The following PARP1 variants were observed in gnomAD, a reference collection of about 807,000 sequenced individuals.
The protein encoded by PARP1 is poly [ADP-ribose] polymerase 1.
A neutral mutation model predicts 118.7 loss-of-function variants in PARP1; 44 were observed. The observed-to-expected ratio is 0.37, with a 90% CI of 0.29 to 0.48. PARP1 has a LOEUF of 0.48. Among genes scored for constraint, PARP1 ranks in the 20% least tolerant of loss-of-function variants. PARP1 has a pLI of 0.99. For missense variants in PARP1, 1,100 were observed against 1,272.4 expected, an observed-to-expected ratio of 0.86 and a Z score of 2.06; for synonymous variants, 492 against 483.2, an observed-to-expected ratio of 1.02 and a Z score of -0.24.
chr1:226,397,492 C>T (rs777312876), intron 2 of PARP1, among the ~76,000 whole-genome samples: 4 of 152,204 alleles, frequency 2.6e-5, no homozygotes, highest in Non-Finnish European at 5.9e-5. Flanking sequence ...TGGTTTGGAT[C>T]TGTGTCCCCA....
chr1:226,381,037 T>G (rs772506412), intron 9 of PARP1, 31 bp downstream of exon 9: 2 of 1,612,952 alleles, frequency 1.2e-6, no homozygotes, highest in Non-Finnish European at 1.7e-6. Flanking sequence ...AGAAGCATTG[T>G]CCCTGTTGCA....
At chr1:226,366,894 G>C (rs1432233326) in intron 17 of PARP1, 5 of 177,116 alleles carry the variant, frequency 2.8e-5, no homozygotes, top group Non-Finnish European at 6.1e-5. Flanking sequence ...AGGACAATGG[G>C]GCACATGAGT....
At chr1:226,365,596 A>G (rs559821273) in intron 18 of PARP1, among the ~76,000 whole-genome samples, 1 of 152,074 alleles carries the variant, frequency 6.6e-6, no homozygotes, top group African/African-American at 2.4e-5. Flanking sequence ...GTGAATCCCT[A>G]TCTCTACTAA....
rs1011900208 is a variant in PARP1 at position 226,408,036 on chromosome 1, G to C, written c.-107C>G. 1.3e-6 allele frequency: 2 copies of C among 1,520,928 alleles called. No individual in the cohort carries two copies. The highest frequency in any genetic ancestry group is 1.8e-6 in the Non-Finnish European group (2 of 1,115,100). The allele number at this position is 1,520,928 out of a possible 1,614,324, so 94.2% of individuals were successfully genotyped here. On this transcript the variant is annotated 5_prime_UTR_variant, in exon 1 of 23. Transcript: ENST00000366794. Reference sequence around the variant, plus strand: ...CTCACCCAGCCGCAGGCGCCTGAGCGGCCAGAGCCGCCACCGAACACGCCG... The same window carrying C: ...CTCACCCAGCCGCAGGCGCCTGAGCCGCCAGAGCCGCCACCGAACACGCCG...
At chr1:226,367,646 T>C (rs369108590) in intron 16 of PARP1, 38 bp from the exon 17 acceptor site, 10 of 1,612,702 alleles carry the variant, frequency 6.2e-6, no homozygotes, top group Non-Finnish European at 8.5e-6. Context: ...TTAGGTATCA[T>C]GGTGAATGAG....
At position 226,377,188 on chromosome 1, in the gene PARP1, TTTC is replaced by T. The variant is rs1329452007; in HGVS notation, c.1858_1860del (p.Glu620del). Reference sequence around the variant, plus strand: ...TTGGAGTGCCAAGCGTTCCCGGTTTTTTCTTCATATAATTTCATGAAGTGCTCA... The same window carrying T: ...TTGGAGTGCCAAGCGTTCCCGGTTTTTTCATATAATTTCATGAAGTGCTCA... On this transcript the variant is annotated inframe_deletion, in exon 13 of 23. Coordinates refer to ENST00000366794, the MANE Select transcript of PARP1 (RefSeq NM_001618.4). The T allele has an allele frequency of 6.2e-7, 1 of 1,614,194 alleles. No homozygotes were observed. The highest frequency in any genetic ancestry group is 8.5e-7 in the Non-Finnish European group (1 of 1,180,024).
chr1:226,368,732 T>C (rs914679760), intron 15 of PARP1, among the ~76,000 whole-genome samples: 1 of 152,044 alleles, frequency 6.6e-6, no homozygotes, highest in African/African-American at 2.4e-5. Flanking sequence ...TGCCCATCGC[T>C]ATAAAATTCA....
chr1:226,370,548 C>G (rs375447539), intron 14 of PARP1, 31 bp from the exon 15 acceptor site: 2 of 1,561,384 alleles, frequency 1.3e-6, no homozygotes, highest in African/African-American at 2.7e-5. Context: ...GCTCTGAAAG[C>G]TGGGCACTGT....
At position 226,380,107 on chromosome 1, in the gene PARP1, A is replaced by G; in HGVS notation, c.1358T>C (p.Val453Ala). Residue 453 changes from valine to alanine, a missense_variant, in exon 10 of 23, where the codon GTT (valine) becomes GCT (alanine). By Grantham distance (64) the Val-to-Ala change is moderately conservative. This residue lies in a region of PARP1 where 948 missense variants were observed against 1,031.8 expected (regional missense o/e 0.92). Transcript: ENST00000366794. ...GTCCTGGAGGAAGTCCTCAGACACA[A>G]CTCGGATGTTGGCTTCCTTTACTTC... ...MEEVKEANIR[V>A]VSEDFLQDVS... The G allele has an allele frequency of 6.2e-7, 1 of 1,613,666 alleles. No individual in the cohort carries two copies. Among genetic ancestry groups the G allele is most frequent in the Non-Finnish European group, 8.5e-7 (1 of 1,179,860 alleles).
chr1:226,363,622 C>G (rs554918196), intron 20 of PARP1, among the ~76,000 whole-genome samples: 3 of 152,174 alleles, frequency 2.0e-5, no homozygotes, highest in Admixed American at 2.0e-4. Context: ...AACTGAAACA[C>G]TGGTGAGTGG....
At chr1:226,382,355 C>A (rs1473528077) in intron 8 of PARP1, among the ~76,000 whole-genome samples, 1 of 152,156 alleles carries the variant, frequency 6.6e-6, no homozygotes, top group East Asian at 1.9e-4. Flanking sequence ...CACACCAGGG[C>A]CCGGATGACT....
chr1:226,363,517 C>T (rs571291804), intron 20 of PARP1, among the ~76,000 whole-genome samples: 2 of 152,256 alleles, frequency 1.3e-5, no homozygotes, highest in South Asian at 4.1e-4. Context: ...GGACTAGGGT[C>T]GATGTCCAAA....
intron 2 of PARP1, 108 bp from the exon 3 acceptor site, chr1:226,392,422 A>C: frequency 5.0e-6 from 4 of 798,234 alleles, no homozygotes; most frequent in Non-Finnish European, 9.0e-6. Flanking sequence ...AGGACACCTT[A>C]TGCCTTGGGA....
chr1:226,367,363 C>T (rs1254600480), intron 17 of PARP1, 117 bp downstream of exon 17: 10 of 1,243,996 alleles, frequency 8.0e-6, no homozygotes, highest in African/African-American at 1.5e-5. Context: ...AATTATTGGG[C>T]GCCAGCCACC....
intron 2 of PARP1, among the ~76,000 whole-genome samples, chr1:226,394,140 G>A (rs1383661520): frequency 6.6e-6 from 1 of 152,180 alleles, no homozygotes; most frequent in Non-Finnish European, 1.5e-5. Flanking sequence ...CTTGAGCCCA[G>A]GAGTTCAAGA....
rs1306251028 is a variant in PARP1 at position 226,363,103 on chromosome 1, GA to G, written c.2843del (p.Val948AlafsTer20). 2 of 1,612,002 alleles carry G rather than the reference GA, an allele frequency of 1.2e-6. No individual in the cohort carries two copies. The highest frequency in any genetic ancestry group is 1.7e-6 in the Non-Finnish European group (2 of 1,178,184). On this transcript the variant is annotated frameshift_variant, in exon 21 of 23. Transcript: ENST00000366794. LOFTEE classifies it high-confidence loss of function. ...ACAGCTTTGGAAACACTTTACCTTTGACACTGTGCTTGCCCTTGGGTAACTT... is the reference window on the plus strand; with the variant it reads ...ACAGCTTTGGAAACACTTTACCTTTGCACTGTGCTTGCCCTTGGGTAACTT... ...ISKLPKGKHS[V>X]KGLGKTTPDP... is the part of the protein sequence containing the mutation.
In PARP1 at chr1:226,367,588, G is replaced by A. The variant is rs1324617238; in HGVS notation, c.2298C>T (p.Asp766=). The change falls in exon 17 of 23, where the codon GAC becomes GAT. Residue 766 remains aspartate, a synonymous_variant. Transcript: ENST00000366794. ...AGGCCACCTCGATGTCCAGCAGGTTGTCAAGCATTTCCACCTTGGCCTGGA... is the reference window on the plus strand; with the variant it reads ...AGGCCACCTCGATGTCCAGCAGGTTATCAAGCATTTCCACCTTGGCCTGGA... ...DSVQAKVEML[D]NLLDIEVAYS... 1 of 1,614,154 alleles carries A rather than the reference G, an allele frequency of 6.2e-7. No homozygotes were observed. Among genetic ancestry groups the A allele is most frequent in the African/African-American group, 1.3e-5 (1 of 75,044 alleles).
chr1:226,363,034 A>C, intron 21 of PARP1, 65 bp downstream of exon 21: 1 of 1,122,066 alleles, frequency 8.9e-7, no homozygotes, highest in Non-Finnish European at 1.4e-6. Flanking sequence ...CAGGACAGCA[A>C]GCCCCCGGCT....
chr1:226,391,819 G>A (rs1256614496), intron 3 of PARP1, among the ~76,000 whole-genome samples: 2 of 152,166 alleles, frequency 1.3e-5, no homozygotes, highest in Non-Finnish European at 2.9e-5. Flanking sequence ...GGGAAAGCCT[G>A]GTTAATGAAG....
Sources: gnomAD v4.1 joint callset for allele counts (sites outside exome capture counted in the v4.1 genomes callset) on GRCh38, gnomAD v4.1.1 for gene constraint, gnomAD v4.1.1 regional missense constraint, MANE v1.5 for transcripts, NCBI Gene and HGNC (gene_info 2026-07-23, HGNC 2026-07-21) for gene names.